Variants in COL5A2 observed in about 807,000 individuals in gnomAD.
COL5A2 encodes collagen alpha-2(V) chain.
Under a neutral mutation model 208.2 loss-of-function variants are expected in COL5A2, and 23 were observed. The ratio of observed to expected loss-of-function variants is 0.11; its 90% CI spans 0.08 to 0.16. COL5A2 has a LOEUF of 0.16. COL5A2 is among the 10% of genes least tolerant of loss of function. The pLI is 1.00. For missense variants in COL5A2, 1,590 were observed against 1,956.4 expected (o/e 0.81, Z 3.53); for synonymous variants, 625 against 628.5 (o/e 0.99, Z 0.08).
chr2:189,078,523 C>G lies in COL5A2; in HGVS notation c.1052G>C (p.Gly351Ala). The change falls in exon 16 of 54, where the codon GGT (glycine) becomes GCT (alanine). Residue 351 changes from glycine to alanine, a missense_variant. By Grantham distance (60) the Gly-to-Ala change is moderately conservative. Coordinates refer to ENST00000374866, the MANE Select transcript of COL5A2 (RefSeq NM_000393.5). ...AAAAGCAGATATACTTACAGGAGCA[C>G]CCTGTGGCCCAAGTCTCCCTCTCTC... ...PGERGRLGPQ[G>A]APGQRGAHGM... is the part of the protein sequence containing the mutation. The G allele has an allele frequency of 1.2e-6, 2 of 1,611,114 alleles. No individual in the cohort carries two copies. Among genetic ancestry groups the G allele is most frequent in the Non-Finnish European group, 1.7e-6 (2 of 1,177,328 alleles).
At chr2:189,305,174 C>T in the COL5A2 span, among the ~76,000 whole-genome samples, 1 of 152,184 alleles carries the variant, frequency 6.6e-6, no homozygotes, top group Non-Finnish European at 1.5e-5. Context: ...TTGGTATCAG[C>T]AGCCTCACAA....
the COL5A2 span, among the ~76,000 whole-genome samples, chr2:189,254,849 A>G: frequency 6.6e-6 from 1 of 152,214 alleles, no homozygotes; most frequent in Non-Finnish European, 1.5e-5. Context: ...CAACCTAGGA[A>G]CAAAACTCCT....
chr2:189,072,765 C>CAAAAAAA (rs58636533), intron 17 of COL5A2, among the ~76,000 whole-genome samples: 749 of 67,238 alleles, frequency 0.011, 14 homozygotes, highest in African/African-American at 0.023. Context: ...ACTCCATCTC[C>CAAAAAAA]AAAAAAAAAA....
intron 12 of COL5A2, among the ~76,000 whole-genome samples, chr2:189,081,671 C>T (rs182021241): frequency 2.0e-5 from 3 of 152,114 alleles, no homozygotes; most frequent in Admixed American, 2.0e-4. Flanking sequence ...AAATATCCAA[C>T]AGAAAAGAAA....
chr2:189,161,165 T>C (rs1384341295), intron 1 of COL5A2, among the ~76,000 whole-genome samples: 1 of 151,072 alleles, frequency 6.6e-6, no homozygotes, highest in Non-Finnish European at 1.5e-5. Flanking sequence ...CTTCCTCTTG[T>C]GTCATTTCTG....
intron 1 of COL5A2, among the ~76,000 whole-genome samples, chr2:189,139,799 G>T (rs1335295226): frequency 6.6e-6 from 1 of 151,854 alleles, no homozygotes; most frequent in African/African-American, 2.4e-5. Context: ...TGTTGGCTGG[G>T]TGCAGTGGCT....
chr2:189,187,260 C>T (rs1441849211), intron 1 of COL5A2, among the ~76,000 whole-genome samples: 1 of 152,170 alleles, frequency 6.6e-6, no homozygotes, highest in Admixed American at 6.5e-5. Flanking sequence ...AGAAGTCACA[C>T]AATATAATGA....
chr2:189,041,792 G>A (rs1283438415), intron 49 of COL5A2, 99 bp from the exon 50 acceptor site: 3 of 737,048 alleles, frequency 4.1e-6, no homozygotes, highest in Non-Finnish European at 7.2e-6. Context: ...AGCTGTAACA[G>A]TGATTTCTAA....
At chr2:189,042,309 G>A (rs1385260059) in intron 49 of COL5A2, among the ~76,000 whole-genome samples, 1 of 151,994 alleles carries the variant, frequency 6.6e-6, no homozygotes, top group African/African-American at 2.4e-5. Flanking sequence ...TTCCAAATTA[G>A]CTTTATGTAA....
At chr2:189,323,649 C>T in the COL5A2 span, among the ~76,000 whole-genome samples, 1 of 152,124 alleles carries the variant, frequency 6.6e-6, no homozygotes, top group Non-Finnish European at 1.5e-5. Flanking sequence ...GAACTACAAA[C>T]CACTGCTCAA....
At chr2:189,061,492 T>C in intron 30 of COL5A2, 70 bp downstream of exon 30, 2 of 1,136,608 alleles carry the variant, frequency 1.8e-6, no homozygotes, top group South Asian at 1.3e-5. Context: ...TCTGACCATA[T>C]CTTTTTTTTT....
chr2:189,264,330 T>C, the COL5A2 span, among the ~76,000 whole-genome samples: 1 of 152,108 alleles, frequency 6.6e-6, no homozygotes, highest in Non-Finnish European at 1.5e-5. Flanking sequence ...TGTTTTCAAG[T>C]GACATAAATG....
intron 1 of COL5A2, among the ~76,000 whole-genome samples, chr2:189,129,238 C>T (rs192904429): frequency 1.3e-5 from 2 of 152,118 alleles, no homozygotes; most frequent in East Asian, 1.9e-4. Context: ...ATACTAAAGC[C>T]GAAAGGCTGT....
the COL5A2 span, chr2:189,312,070 C>A: frequency 5.2e-6 from 4 of 765,604 alleles, no homozygotes; most frequent in South Asian, 1.3e-5. Context: ...GCAAGATGGG[C>A]ATTGTCGATC....
rs1405820032 is a variant in COL5A2 at position 189,064,605 on chromosome 2, G to A, written c.1668C>T (p.Ser556=). The change falls in exon 25 of 54, where the codon AGC becomes AGT. Residue 556 remains serine, a synonymous_variant. Coordinates refer to ENST00000374866, the MANE Select transcript of COL5A2 (RefSeq NM_000393.5). Reference sequence around the variant, plus strand: ...CCCCTGGACGTCCTGGATCCCCCTGGCTTCCTTTGGGTCCTGAAGAACCTA... The same window carrying A: ...CCCCTGGACGTCCTGGATCCCCCTGACTTCCTTTGGGTCCTGAAGAACCTA... ...GPVGSSGPKG[S]QGDPGRPGEP... 6.2e-7 allele frequency: 1 copy of A among 1,613,862 alleles called. No homozygotes were observed. Among genetic ancestry groups the A allele is most frequent in the East Asian group, 2.2e-5 (1 of 44,860 alleles).
intron 1 of COL5A2, among the ~76,000 whole-genome samples, chr2:189,130,314 A>G (rs1433521441): frequency 6.6e-6 from 1 of 152,090 alleles, no homozygotes; most frequent in African/African-American, 2.4e-5. Context: ...ATAGACTTCT[A>G]GAAGTAAGTG....
At chr2:189,388,659 G>C in the COL5A2 span, among the ~76,000 whole-genome samples, 1 of 152,256 alleles carries the variant, frequency 6.6e-6, no homozygotes, top group South Asian at 2.1e-4. Context: ...AGTCATATAG[G>C]GTTTAAGTGG....
At chr2:189,150,281 A>G (rs541053105) in intron 1 of COL5A2, among the ~76,000 whole-genome samples, 1 of 152,282 alleles carries the variant, frequency 6.6e-6, no homozygotes, top group African/African-American at 2.4e-5. Context: ...ACAGGCATTA[A>G]ATTATATCCA....
chr2:189,076,356 C>A (rs62184181), intron 16 of COL5A2, among the ~76,000 whole-genome samples: 1 of 152,150 alleles, frequency 6.6e-6, no homozygotes, highest in Non-Finnish European at 1.5e-5. Context: ...GAGTATGAAT[C>A]ACCCTTGGCA....
Sources: gnomAD v4.1 joint callset for allele counts (sites outside exome capture counted in the v4.1 genomes callset) on GRCh38, gnomAD v4.1.1 for gene constraint, MANE v1.5 for transcripts, NCBI Gene and HGNC (gene_info 2026-07-23, HGNC 2026-07-21) for gene names.